The following ACYP2 variants were observed in gnomAD, a reference collection of about 807,000 sequenced individuals.
ACYP2 encodes the protein acylphosphatase 2.
A neutral mutation model predicts 11.2 loss-of-function variants in ACYP2; 12 were observed. The ratio of observed to expected loss-of-function variants is 1.08; its 90% CI spans 0.69 to 1.74. The LOEUF (loss-of-function observed/expected upper bound fraction) is 1.74. ACYP2 is among the 40% of genes most tolerant of loss of function. The pLI is 0.00. For synonymous variants in ACYP2, 43 were observed against 32.2 expected, an observed-to-expected ratio of 1.33 and a Z score of -1.13; for missense variants, 134 against 101.9, an observed-to-expected ratio of 1.31 and a Z score of -1.35.
chr2:53,992,008 G>A (rs1672320829), intron 2 of ACYP2, among the ~76,000 whole-genome samples: 1 of 151,456 alleles, frequency 6.6e-6, no homozygotes, highest in South Asian at 2.1e-4. Context: ...CACAATGTAA[G>A]AGCTCTTGCC....
At chr2:53,989,627 A>G (rs1672192859) in intron 2 of ACYP2, among the ~76,000 whole-genome samples, 1 of 152,150 alleles carries the variant, frequency 6.6e-6, no homozygotes, top group Admixed American at 6.6e-5. Flanking sequence ...AGCCTAAGGG[A>G]TGAGATTCAC....
chr2:54,181,100 A>G (rs1451915059), intron 6 of ACYP2, among the ~76,000 whole-genome samples: 3 of 152,240 alleles, frequency 2.0e-5, no homozygotes, highest in African/African-American at 7.2e-5. Context: ...AAACATATTT[A>G]TCAAGAAACT....
chr2:54,141,652 T>C (rs954105543), intron 6 of ACYP2, among the ~76,000 whole-genome samples: 6 of 152,232 alleles, frequency 3.9e-5, no homozygotes, highest in Non-Finnish European at 7.3e-5. Flanking sequence ...ATTGATTTAA[T>C]TATACTATCT....
intron 6 of ACYP2, among the ~76,000 whole-genome samples, chr2:54,207,077 CTG>C (rs1372203936): frequency 6.6e-6 from 1 of 150,410 alleles, no homozygotes; most frequent in Non-Finnish European, 1.5e-5. Context: ...AAGTATGTGT[CTG>C]TATATATGTT....
At chr2:54,016,487 A>G (rs1673689686) in intron 2 of ACYP2, among the ~76,000 whole-genome samples, 1 of 152,034 alleles carries the variant, frequency 6.6e-6, no homozygotes, top group Non-Finnish European at 1.5e-5. Flanking sequence ...TTGGATTTTC[A>G]TCACACCCTA....
chr2:54,093,943 AAAC>A (rs869062460), intron 4 of ACYP2, among the ~76,000 whole-genome samples: 4 of 36,810 alleles, frequency 1.1e-4, no homozygotes, highest in African/African-American at 6.5e-4. Flanking sequence ...CTGTCTCAAA[AAAC>A]AAACAAACAA....
chr2:53,987,629 C>G (rs1672099166), intron 2 of ACYP2, among the ~76,000 whole-genome samples: 1 of 152,174 alleles, frequency 6.6e-6, no homozygotes. Context: ...TCCGGTTTCT[C>G]TGCCAATACC....
chr2:54,083,084 A>G (rs1192436407), intron 4 of ACYP2, among the ~76,000 whole-genome samples: 21 of 128,440 alleles, frequency 1.6e-4, no homozygotes, highest in Admixed American at 1.1e-3. Flanking sequence ...AAAAAAAAAA[A>G]GAAAAAAAAA....
chr2:54,127,724 G>C (rs1029847452), intron 4 of ACYP2, among the ~76,000 whole-genome samples: 1 of 137,720 alleles, frequency 7.3e-6, no homozygotes, highest in African/African-American at 2.7e-5. Context: ...CTCCACTGCA[G>C]CCTGGGCAAC....
At chr2:54,025,767 C>T (rs980366429) in intron 2 of ACYP2, among the ~76,000 whole-genome samples, 1 of 152,110 alleles carries the variant, frequency 6.6e-6, no homozygotes, top group African/African-American at 2.4e-5. Context: ...AACTAAAAAG[C>T]TTCTGCACAG....
chr2:54,028,163 G>C (rs72800709), intron 2 of ACYP2, among the ~76,000 whole-genome samples: 4,575 of 151,824 alleles, frequency 0.03, 98 homozygotes, highest in Admixed American at 0.058. Context: ...TGTTTCTTTG[G>C]GCTACTCTTG....
At chr2:54,256,351 T>C (rs1687534674) in intron 6 of ACYP2, 3 of 604,346 alleles carry the variant, frequency 5.0e-6, no homozygotes, top group East Asian at 2.9e-5. Context: ...GTCTTTGTTA[T>C]TTTAGCCATC....
At chr2:54,239,118 C>G (rs1236232774) in intron 6 of ACYP2, among the ~76,000 whole-genome samples, 1 of 152,042 alleles carries the variant, frequency 6.6e-6, no homozygotes, top group Non-Finnish European at 1.5e-5. Context: ...AAAAGGAATC[C>G]ACAGTGTAGG....
intron 2 of ACYP2, among the ~76,000 whole-genome samples, chr2:53,975,542 T>A (rs1283366728): frequency 2.6e-5 from 4 of 152,098 alleles, no homozygotes; most frequent in African/African-American, 4.8e-5. Context: ...CAGCACGTTA[T>A]CCTTTTGAGG....
At chr2:54,167,729 AATGTT>A (rs1436493110) in intron 6 of ACYP2, among the ~76,000 whole-genome samples, 2 of 152,202 alleles carry the variant, frequency 1.3e-5, no homozygotes, top group Non-Finnish European at 2.9e-5. Flanking sequence ...ATTTGGGTGA[AATGTT>A]ATGATATCCA....
At chr2:54,062,527 A>G (rs1676523200) in intron 4 of ACYP2, among the ~76,000 whole-genome samples, 1 of 152,208 alleles carries the variant, frequency 6.6e-6, no homozygotes, top group African/African-American at 2.4e-5. Context: ...TATTTTCCAT[A>G]TGAATAGGGA....
At chr2:54,076,985 C>G (rs55705819) in intron 4 of ACYP2, among the ~76,000 whole-genome samples, 37,758 of 151,328 alleles carry the variant, frequency 0.25, 5,250 homozygotes, top group South Asian at 0.48. Flanking sequence ...GAAACAAAAC[C>G]GTATTGAATT....
intron 2 of ACYP2, among the ~76,000 whole-genome samples, chr2:53,986,769 T>C (rs1042629935): frequency 6.6e-6 from 1 of 151,542 alleles, no homozygotes; most frequent in Non-Finnish European, 1.5e-5. Context: ...GGATCACAGA[T>C]ATGCACCACC....
rs551594440 is a variant in ACYP2 at position 54,233,571 on chromosome 2, G to T, written c.405-71117G>T. ...TCTGCCCACCTTGGCCTCCCAAAGT[G>T]CTGGGATTACAGGTGTGAGCCAACA... is the stretch of plus-strand genomic sequence containing the variant. On this transcript the variant is annotated intron_variant, in intron 6 of 6. Transcript: ENST00000607452. 2.6e-5 allele frequency among the ~76,000 whole-genome samples: 4 copies of T among 152,216 alleles called. No homozygotes were observed. The East Asian group carries it at 7.7e-4, about 29-fold the overall frequency.
Sources: allele counts gnomAD v4.1 joint callset (sites outside exome capture counted in the v4.1 genomes callset), GRCh38; gene constraint gnomAD v4.1.1; transcripts MANE v1.5; gene names NCBI Gene and HGNC (gene_info 2026-07-23, HGNC 2026-07-21).